ACSL6: variants seen among roughly 807,000 people sequenced by gnomAD.
ACSL6 encodes the protein long-chain-fatty-acid--CoA ligase 6.
Under a neutral mutation model 98.2 loss-of-function variants are expected in ACSL6, and 47 were observed. The observed-to-expected ratio is 0.48, with a 90% CI of 0.38 to 0.61. The LOEUF (loss-of-function observed/expected upper bound fraction) is 0.61, where lower values mean the gene tolerates loss of function less well. Among genes scored for constraint, ACSL6 ranks in the 20% least tolerant of loss-of-function variants. The pLI is 0.00. For synonymous variants in ACSL6, 362 were observed against 336.9 expected (o/e 1.07, Z -0.82); for missense variants, 761 against 913.4 (o/e 0.83, Z 2.15).
intron 1 of ACSL6, among the ~76,000 whole-genome samples, chr5:131,996,859 C>T (rs1192646983): frequency 6.6e-6 from 1 of 152,234 alleles, no homozygotes; most frequent in African/African-American, 2.4e-5. Flanking sequence ...ACATGGGGAG[C>T]CAGAAAAGCT....
chr5:131,981,486 G>C (rs1753893960), intron 9 of ACSL6, among the ~76,000 whole-genome samples: 1 of 152,018 alleles, frequency 6.6e-6, no homozygotes, highest in South Asian at 2.1e-4. Context: ...CATCCCAGAG[G>C]CTCCCTTATC....
In ACSL6 at chr5:131,976,550, A is replaced by C; in HGVS notation, c.990+98T>G. On this transcript the variant is annotated intron_variant, in intron 10 of 20. Transcript: ENST00000651883. Reference sequence around the variant, plus strand: ...GCAGCCCAGGTTATATCAAGAAAAAAAAAAAAAGAAAAAGAAAACAAACAA... The same window carrying C: ...GCAGCCCAGGTTATATCAAGAAAAACAAAAAAAGAAAAAGAAAACAAACAA... 3 of 1,173,580 alleles carry C rather than the reference A, an allele frequency of 2.6e-6. No individual in the cohort carries two copies. In the South Asian group the frequency reaches 4.3e-5, roughly 17 times the overall value. 72.7% of individuals were successfully genotyped at this position (1,173,580 alleles called of 1,614,324 possible). A position where few individuals can be genotyped will look rare whatever the true frequency, so the allele number is the denominator to read the frequency against.
Position 131,951,511 on chromosome 5 carries a change from T to A in ACSL6, c.*2723A>T, listed in dbSNP as rs1468801229. Reference sequence around the variant, plus strand: ...CCATTTATTGGCCCAAGTGTGATGATTTCCACATAGACCTGGAAATCTAGA... The same window carrying A: ...CCATTTATTGGCCCAAGTGTGATGAATTCCACATAGACCTGGAAATCTAGA... On this transcript the variant is annotated 3_prime_UTR_variant, in exon 21 of 21. Transcript: ENST00000651883. The A allele has an allele frequency of 9.9e-6, 2 of 201,234 alleles. No individual in the cohort carries two copies. The highest frequency in any genetic ancestry group is 2.0e-5 in the Non-Finnish European group (2 of 97,872). 12.5% of individuals were successfully genotyped at this position (201,234 alleles called of 1,614,324 possible).
intron 9 of ACSL6, among the ~76,000 whole-genome samples, chr5:131,981,328 A>AC (rs1270759632): frequency 4.4e-5 from 6 of 135,734 alleles, no homozygotes; most frequent in Admixed American, 1.5e-4. Flanking sequence ...CTATTAAAAA[A>AC]AAAAAAAAAA....
At position 131,985,557 on chromosome 5, in the gene ACSL6, C is replaced by T. The variant is rs554616696; in HGVS notation, c.865-99G>A. 4.7e-4 allele frequency: 598 copies of T among 1,275,470 alleles called. No individual in the cohort carries two copies. In the Middle Eastern group the frequency reaches 5.1e-3, roughly 11 times the overall value. The allele number at this position is 1,275,470 out of a possible 1,614,324, so 79.0% of individuals were successfully genotyped here. On this transcript the variant is annotated intron_variant, in intron 8 of 20. Transcript: ENST00000651883. ...CCAACCAGCCAGGCCCATATGTATGCTGTATGTGGGTGTGAGCATGTGTTG... is the reference window on the plus strand; with the variant it reads ...CCAACCAGCCAGGCCCATATGTATGTTGTATGTGGGTGTGAGCATGTGTTG...
Position 131,967,961 on chromosome 5 carries a change from C to T in ACSL6, c.1575G>A (p.Trp525Ter), listed in dbSNP as rs1482164077. The T allele has an allele frequency of 1.2e-6, 2 of 1,613,848 alleles. No homozygotes were observed. Among genetic ancestry groups the T allele is most frequent in the South Asian group, 1.1e-5 (1 of 91,042 alleles). The change falls in exon 16 of 21, where the codon TGG becomes TGA. Residue 525 changes from tryptophan to a stop codon, truncating the protein, a stop_gained. Transcript: ENST00000651883. LOFTEE classifies it high-confidence loss of function. The part of the protein sequence containing the change: ...KLVDVEELNY[W>*]ACKGEGEICV... ...TTACCTCTCCCTCTCCTTTGCAGGC[C>T]CAGTAGTTCAGTTCCTCAACATCAA...
In ACSL6 at chr5:132,011,402, T is replaced by G; in HGVS notation, c.49+103A>C. 1.6e-6 allele frequency: 2 copies of G among 1,260,968 alleles called. No homozygotes were observed. The highest frequency in any genetic ancestry group is 1.9e-4 in the Middle Eastern group (1 of 5,362). 78.1% of individuals were successfully genotyped at this position (1,260,968 alleles called of 1,614,324 possible). A position where few individuals can be genotyped will look rare whatever the true frequency, so the allele number is the denominator to read the frequency against. On this transcript the variant is annotated intron_variant, in intron 1 of 20. Coordinates refer to ENST00000651883, the MANE Select transcript of ACSL6 (RefSeq NM_001009185.3). The surrounding 1 kb of genome is among the most constrained non-coding windows in gnomAD (Gnocchi z 5.4). Reference sequence around the variant, plus strand: ...GACGGGACAGCTCAGCAGCAGGGGATGGGGGCTCGGCGGCCGCGGAGATGT... The same window carrying G: ...GACGGGACAGCTCAGCAGCAGGGGAGGGGGGCTCGGCGGCCGCGGAGATGT...
chr5:131,955,258 G>A (rs894233244), intron 20 of ACSL6, among the ~76,000 whole-genome samples: 5 of 152,192 alleles, frequency 3.3e-5, no homozygotes, highest in African/African-American at 1.2e-4. Flanking sequence ...GGCTAAAGAT[G>A]TGTATCATCA....
At chr5:131,985,194 A>G (rs1198268338) in intron 9 of ACSL6, 1 of 610,208 alleles carries the variant, frequency 1.6e-6, no homozygotes, top group Non-Finnish European at 2.9e-6. Flanking sequence ...AAGCCCTCAC[A>G]CTGGACCTCC....
intron 7 of ACSL6, 98 bp downstream of exon 7, chr5:131,987,950 C>T (rs1309914499): frequency 1.3e-6 from 2 of 1,505,448 alleles, no homozygotes; most frequent in Non-Finnish European, 1.8e-6. Flanking sequence ...GGGCCCAAAA[C>T]AGCCACCCCA....
chr5:131,968,821 T>C (rs566846507), intron 15 of ACSL6, among the ~76,000 whole-genome samples: 1 of 152,348 alleles, frequency 6.6e-6, no homozygotes, highest in Non-Finnish European at 1.5e-5. Context: ...CCTTGGTTTC[T>C]CTTTTAAAAG....
intron 1 of ACSL6, among the ~76,000 whole-genome samples, chr5:132,002,130 A>G (rs1215105695): frequency 6.6e-6 from 1 of 152,210 alleles, no homozygotes; most frequent in East Asian, 1.9e-4. Context: ...GCCCTGGGAC[A>G]GCAGGCAGGA....
rs1474683149 is a variant in ACSL6, at chr5:131,970,108, A to G, written c.1507+20T>C. ...CCACAGTGCCTCGCGAGCCAGTCCT[A>G]TATCTCTAGCCCATCCTACCTGAGG... On this transcript the variant is annotated intron_variant, in intron 15 of 20. Coordinates refer to ENST00000651883, the MANE Select transcript of ACSL6 (RefSeq NM_001009185.3). 6.2e-7 allele frequency: 1 copy of G among 1,613,436 alleles called. No homozygotes were observed. The highest frequency in any genetic ancestry group is 1.1e-5 in the South Asian group (1 of 91,064).
upstream of ACSL6, chr5:132,012,134 C>A (rs997872726): frequency 2.5e-5 from 14 of 550,424 alleles, no homozygotes; most frequent in Non-Finnish European, 4.1e-5. Context: ...CCCGCTGACA[C>A]CAACGCCCCC....
chr5:131,966,492 T>C lies in ACSL6; in HGVS notation c.1637A>G (p.Lys546Arg). Reference sequence around the variant, plus strand: ...GGCCTCCTTCGTCCTGTCTGGATCTTTCAAGTAGCCTTTGAACACATTTGG... The same window carrying C: ...GGCCTCCTTCGTCCTGTCTGGATCTCTCAAGTAGCCTTTGAACACATTTGG... ...RGPNVFKGYL[K>R]DPDRTKEALD... Residue 546 changes from lysine to arginine, a missense_variant, in exon 17 of 21, where the codon AAA (lysine) becomes AGA (arginine). Physicochemically the swap from Lys to Arg is conservative, Grantham distance 26 (BLOSUM62 2). Transcript: ENST00000651883. The C allele has an allele frequency of 6.2e-7, 1 of 1,614,190 alleles. No individual in the cohort carries two copies. The highest frequency in any genetic ancestry group is 1.1e-5 in the South Asian group (1 of 91,086).
At chr5:132,005,632 C>T (rs1009622818) in intron 1 of ACSL6, among the ~76,000 whole-genome samples, 23 of 152,220 alleles carry the variant, frequency 1.5e-4, no homozygotes, top group African/African-American at 5.1e-4. Context: ...GATCTGCAGT[C>T]AGTATCTAGA....
chr5:131,994,006 G>A (rs773692856), intron 2 of ACSL6, 25 bp downstream of exon 2: 2 of 1,607,480 alleles, frequency 1.2e-6, no homozygotes, highest in Non-Finnish European at 1.7e-6. Flanking sequence ...ACTTTCCGCA[G>A]TGGAACGTCT....
At chr5:131,968,086 G>T in intron 15 of ACSL6, 58 bp from the exon 16 acceptor site, 1 of 1,483,868 alleles carries the variant, frequency 6.7e-7, no homozygotes, top group Non-Finnish European at 9.4e-7. Context: ...TAGCACTGAA[G>T]ATGTTCCAAG....
intron 15 of ACSL6, among the ~76,000 whole-genome samples, chr5:131,969,840 G>A: frequency 6.6e-6 from 1 of 152,126 alleles, no homozygotes; most frequent in East Asian, 1.9e-4. Context: ...ATCCTTCAGG[G>A]CCAAGGGAAA....
Sources: allele counts gnomAD v4.1 joint callset (sites outside exome capture counted in the v4.1 genomes callset), GRCh38; gene constraint gnomAD v4.1.1; non-coding constraint Gnocchi (gnomAD v3.1); transcripts MANE v1.5; gene names NCBI Gene and HGNC (gene_info 2026-07-23, HGNC 2026-07-21).